Variants in FBN2 observed in about 807,000 individuals in gnomAD.
FBN2 encodes the protein fibrillin-2.
FBN2 carries 105 observed loss-of-function variants against 355.6 expected under a neutral mutation model. That is an observed-to-expected ratio of 0.30 (90% CI 0.25 to 0.35). FBN2 has a LOEUF of 0.35. Among genes scored for constraint, FBN2 ranks in the 10% least tolerant of loss-of-function variants. The pLI is 1.00. For missense variants in FBN2, 3,280 were observed against 3,758.7 expected, an observed-to-expected ratio of 0.87 and a Z score of 3.33; for synonymous variants, 1,350 against 1,301.2, an observed-to-expected ratio of 1.04 and a Z score of -0.81.
chr5:128,536,404 A>T lies in FBN2; in HGVS notation c.335T>A (p.Val112Asp). The T allele has an allele frequency of 6.2e-7, 1 of 1,613,794 alleles. No individual in the cohort carries two copies. Among genetic ancestry groups the T allele is most frequent in the Non-Finnish European group, 8.5e-7 (1 of 1,179,752 alleles). The change falls in exon 2 of 65, where the codon GTC (valine) becomes GAC (aspartate). Residue 112 changes from valine (V) to aspartate (D), a missense_variant and splice_region_variant. Transcript: ENST00000262464. ...KTLPGGNQCIVPICRNSCGDG... is the reference protein window; with the variant it reads ...KTLPGGNQCIDPICRNSCGDG... ...TGCGATCCCTGCCAAGCACTCACGG[A>T]CAATGCACTGGTTTCCTCCAGGGAG...
chr5:128,370,655 T>C (rs1215977657), intron 15 of FBN2, among the ~76,000 whole-genome samples: 1 of 152,202 alleles, frequency 6.6e-6, no homozygotes, highest in African/African-American at 2.4e-5. Context: ...GTGAGTTCTT[T>C]GGACATTACT....
intron 55 of FBN2, among the ~76,000 whole-genome samples, chr5:128,281,322 T>A (rs1765538593): frequency 6.6e-6 from 1 of 152,234 alleles, no homozygotes; most frequent in African/African-American, 2.4e-5. Context: ...GCCCTCCTTT[T>A]CCCTATGAAC....
chr5:128,301,427 A>G lies in FBN2; in HGVS notation c.6001T>C (p.Cys2001Arg), dbSNP rs1749715984. 6.2e-7 allele frequency: 1 copy of G among 1,613,400 alleles called. No homozygotes were observed. The change falls in exon 47 of 65, where the codon TGT (cysteine) becomes CGT (arginine). Residue 2001 changes from cysteine (C) to arginine (R), a missense_variant. Around this residue, in one of 6 missense-constraint regions of FBN2, gnomAD observed 2,284 missense variants for 2,749.5 expected, o/e 0.83. Coordinates refer to ENST00000262464, the MANE Select transcript of FBN2 (RefSeq NM_001999.4). ...GGGGTAAGTTCATAACCTTCGTTAC[A>G]TAGACACTTGAAAGAACCAATTTCA... ...FNEIGSFKCL[C>R]NEGYELTPDG...
At chr5:128,376,624 T>A (rs1752083957) in intron 14 of FBN2, 107 bp downstream of exon 14, 1 of 1,326,778 alleles carries the variant, frequency 7.5e-7, no homozygotes, top group African/African-American at 1.4e-5. Context: ...GAAATGTGAA[T>A]AATATGAAAG....
chr5:128,484,504 A>G (rs1253066780), intron 5 of FBN2, among the ~76,000 whole-genome samples: 1 of 152,256 alleles, frequency 6.6e-6, no homozygotes, highest in Non-Finnish European at 1.5e-5. Flanking sequence ...ACAGAAAAAT[A>G]TATTTACAGA....
At chr5:128,378,945 GT>G in intron 11 of FBN2, 55 bp from the exon 12 acceptor site, 1 of 1,603,690 alleles carries the variant, frequency 6.2e-7, no homozygotes, top group Non-Finnish European at 8.5e-7. Flanking sequence ...AGAAATGTTT[GT>G]TTAAAGTACA....
chr5:128,352,665 C>T (rs1751399252), intron 20 of FBN2, among the ~76,000 whole-genome samples: 1 of 152,124 alleles, frequency 6.6e-6, no homozygotes, highest in Non-Finnish European at 1.5e-5. Context: ...TACCAAGACA[C>T]TTGTTAAAAT....
intron 36 of FBN2, among the ~76,000 whole-genome samples, chr5:128,315,050 T>C (rs1400430152): frequency 6.6e-6 from 1 of 152,214 alleles, no homozygotes; most frequent in Non-Finnish European, 1.5e-5. Flanking sequence ...ACAAAAGGAA[T>C]TGTTGATTCA....
chr5:128,304,816 T>G lies in FBN2; in HGVS notation c.5800+141A>C, dbSNP rs968933023. 4 of 1,068,854 alleles carry G rather than the reference T, an allele frequency of 3.7e-6. No individual in the cohort carries two copies. The South Asian group carries it at 5.4e-5, about 14-fold the overall frequency. The allele number at this position is 1,068,854 out of a possible 1,614,324, so 66.2% of individuals were successfully genotyped here. ...TGCAAATTTTATATTGAATCAAGAC[T>G]TAAATAGTTTGACCTAGTTAATTTT... On this transcript the variant is annotated intron_variant, in intron 45 of 64. Transcript: ENST00000262464.
At chr5:128,303,655 T>C (rs1749781644) in intron 45 of FBN2, among the ~76,000 whole-genome samples, 1 of 152,138 alleles carries the variant, frequency 6.6e-6, no homozygotes, top group South Asian at 2.1e-4. Flanking sequence ...CAACTATGAA[T>C]TCCAGGCTGC....
At chr5:128,348,775 C>T (rs1013287524) in intron 23 of FBN2, among the ~76,000 whole-genome samples, 1 of 152,056 alleles carries the variant, frequency 6.6e-6, no homozygotes, top group Non-Finnish European at 1.5e-5. Flanking sequence ...CAAGTTCAAA[C>T]ATGACACTAA....
rs1224011592 is a variant in FBN2, at chr5:128,449,410, A to ACAG, written c.827-2805_827-2804insCTG. On this transcript the variant is annotated intron_variant, in intron 6 of 64. Transcript: ENST00000262464. ...ATATAATAGTATACTGTATAATTAT[A>ACAG]TAGTATACTATATAATAGTATACTG... is the stretch of plus-strand genomic sequence containing the variant. 9.4e-3 allele frequency among the ~76,000 whole-genome samples: 1,309 copies of ACAG among 139,704 alleles called. 105 individuals carry two copies. The highest frequency in any genetic ancestry group is 0.013 in the African/African-American group (494 of 37,234). 91.7% of individuals were successfully genotyped at this position (139,704 alleles called of 152,430 possible). A position where few individuals can be genotyped will look rare whatever the true frequency, so the allele number is the denominator to read the frequency against.
At chr5:128,298,165 G>T (rs6890068) in intron 48 of FBN2, among the ~76,000 whole-genome samples, 2 of 150,238 alleles carry the variant, frequency 1.3e-5, no homozygotes, top group African/African-American at 2.5e-5. Context: ...AATATTGGCC[G>T]CCACTCTCTT....
At chr5:128,274,762 G>T in intron 59 of FBN2, 79 bp from the exon 60 acceptor site, 1 of 879,790 alleles carries the variant, frequency 1.1e-6, no homozygotes, top group Non-Finnish European at 2.0e-6. Flanking sequence ...CACAGGAGAT[G>T]CACATGCTCC....
intron 46 of FBN2, among the ~76,000 whole-genome samples, chr5:128,302,515 C>A (rs114508096): frequency 0.028 from 4,310 of 152,226 alleles, 88 homozygotes; most frequent in Non-Finnish European, 0.043. Context: ...TGGGGAAAGG[C>A]ATTCTGGCTT....
intron 5 of FBN2, among the ~76,000 whole-genome samples, chr5:128,466,934 ATTATAAG>A (rs1251235447): frequency 1.3e-5 from 2 of 152,302 alleles, no homozygotes; most frequent in Admixed American, 1.3e-4. Flanking sequence ...TAAATTCCTA[ATTATAAG>A]TTATATCAAG....
At chr5:128,528,832 C>T (rs903507722) in intron 3 of FBN2, among the ~76,000 whole-genome samples, 4 of 152,134 alleles carry the variant, frequency 2.6e-5, no homozygotes, top group South Asian at 2.1e-4. Context: ...CTGCAGAGAA[C>T]GGATTTGAAG....
Position 128,380,862 on chromosome 5 carries a change from C to G in FBN2, c.1604-1972G>C, listed in dbSNP as rs897881906. Among the ~76,000 whole-genome samples, 5 of 151,984 alleles carry G rather than the reference C, an allele frequency of 3.3e-5. No homozygotes were observed. In the East Asian group the frequency reaches 7.7e-4, roughly 23 times the overall value. On this transcript the variant is annotated intron_variant, in intron 11 of 64. Coordinates refer to ENST00000262464, the MANE Select transcript of FBN2 (RefSeq NM_001999.4). Reference sequence around the variant, plus strand: ...TACAGGAACAGAAAGTACTTAAATACTACGTTCTGTACATTTTGACTTCTT... The same window carrying G: ...TACAGGAACAGAAAGTACTTAAATAGTACGTTCTGTACATTTTGACTTCTT...
At position 128,349,402 on chromosome 5, in the gene FBN2, A is replaced by G; in HGVS notation, c.2934T>C (p.Phe978=). The G allele has an allele frequency of 6.2e-7, 1 of 1,614,168 alleles. No homozygotes were observed. The highest frequency in any genetic ancestry group is 8.5e-7 in the Non-Finnish European group (1 of 1,180,022). Residue 978 remains phenylalanine (F), a synonymous_variant, in exon 23 of 65, where the codon TTT becomes TTC. Transcript: ENST00000262464. ...NGRCVNSKGS[F]HCECPEGLTL... ...TAAGGCCTTCAGGGCACTCGCAATG[A>G]AAAGATCCCTTACTGTTGACACAGC...
Sources: gnomAD v4.1 joint callset for allele counts (sites outside exome capture counted in the v4.1 genomes callset) on GRCh38, gnomAD v4.1.1 for gene constraint, gnomAD v4.1.1 regional missense constraint, MANE v1.5 for transcripts, NCBI Gene and HGNC (gene_info 2026-07-23, HGNC 2026-07-21) for gene names.